The following CHSY3 variants were observed in gnomAD, a reference collection of about 807,000 sequenced individuals.
CHSY3 encodes chondroitin sulfate synthase 3.
In CHSY3, 35 loss-of-function variants were observed where a neutral mutation model predicts 67.2. The ratio of observed to expected loss-of-function variants is 0.52; its 90% confidence interval spans 0.40 to 0.69. The LOEUF (loss-of-function observed/expected upper bound fraction) is 0.69, where lower values mean the gene tolerates loss of function less well. Among genes scored for constraint, CHSY3 ranks in the 30% least tolerant of loss-of-function variants. CHSY3 has a pLI of 0.00. For synonymous variants in CHSY3, 474 were observed against 434.7 expected (o/e 1.09, Z -1.12); for missense variants, 1,069 against 1,138.5 (o/e 0.94, Z 0.88).
intron 2 of CHSY3, among the ~76,000 whole-genome samples, chr5:130,043,084 G>C (rs891129202): frequency 2.6e-5 from 4 of 151,982 alleles, no homozygotes; most frequent in Admixed American, 2.6e-4. Context: ...TGATATAAAT[G>C]TTAAACTCCA....
intron 2 of CHSY3, among the ~76,000 whole-genome samples, chr5:130,013,672 G>A (rs1181078614): frequency 6.6e-6 from 1 of 152,182 alleles, no homozygotes; most frequent in East Asian, 1.9e-4. Context: ...TCCTGAGGCT[G>A]CAAAGAGCAG....
intron 2 of CHSY3, among the ~76,000 whole-genome samples, chr5:130,035,734 A>G (rs938162106): frequency 6.6e-6 from 1 of 152,122 alleles, no homozygotes; most frequent in Non-Finnish European, 1.5e-5. Flanking sequence ...CTTCTAAGCT[A>G]ATTTCTTTCC....
intron 2 of CHSY3, among the ~76,000 whole-genome samples, chr5:130,077,114 T>C (rs1252023077): frequency 6.7e-6 from 1 of 150,248 alleles, no homozygotes; most frequent in African/African-American, 2.5e-5. Context: ...AAAATAAAAT[T>C]TAAGAAAAAA....
At chr5:129,998,280 G>T (rs1580631517) in intron 2 of CHSY3, among the ~76,000 whole-genome samples, 1 of 152,054 alleles carries the variant, frequency 6.6e-6, no homozygotes, top group Non-Finnish European at 1.5e-5. Flanking sequence ...TTAAAAGTAG[G>T]TATCTTTAAG....
At chr5:130,068,106 A>G (rs962457719) in intron 2 of CHSY3, among the ~76,000 whole-genome samples, 7 of 152,150 alleles carry the variant, frequency 4.6e-5, no homozygotes, top group Non-Finnish European at 1.0e-4. Context: ...GGCCTGTTTC[A>G]ATATTGAATT....
intron 2 of CHSY3, among the ~76,000 whole-genome samples, chr5:130,179,729 ATT>A (rs34591686): frequency 2.7e-5 from 4 of 150,004 alleles, no homozygotes; most frequent in Middle Eastern, 3.4e-3. Context: ...TTTTCATCTA[ATT>A]TTTTTTTTTT....
At chr5:129,924,627 A>T (rs1379579516) in intron 2 of CHSY3, among the ~76,000 whole-genome samples, 2 of 147,436 alleles carry the variant, frequency 1.4e-5, no homozygotes. Flanking sequence ...TCCTGGTGAC[A>T]GAGTGAGACT....
At chr5:130,135,334 A>G (rs1768628023) in intron 2 of CHSY3, among the ~76,000 whole-genome samples, 1 of 151,846 alleles carries the variant, frequency 6.6e-6, no homozygotes, top group East Asian at 1.9e-4. Context: ...ACTCAATCAC[A>G]TCTCTTTAAA....
chr5:130,167,306 G>T (rs1004506035), intron 2 of CHSY3, among the ~76,000 whole-genome samples: 1 of 151,992 alleles, frequency 6.6e-6, no homozygotes, highest in Non-Finnish European at 1.5e-5. Context: ...TCAAAGTTAG[G>T]CTTCTACCCT....
intron 2 of CHSY3, among the ~76,000 whole-genome samples, chr5:130,173,653 T>C (rs1769961356): frequency 6.6e-6 from 1 of 152,160 alleles, no homozygotes; most frequent in Non-Finnish European, 1.5e-5. Context: ...ATGAAAAATA[T>C]GCATACAGGA....
chr5:130,161,703 C>T lies in CHSY3; in HGVS notation c.1087-22526C>T, dbSNP rs571772978. ...ATAAAGAATGTTTATTCTATCTTATCACTACTTTAATGTTTGACTTCTTCA... is the reference window on the plus strand; with the variant it reads ...ATAAAGAATGTTTATTCTATCTTATTACTACTTTAATGTTTGACTTCTTCA... On this transcript the variant is annotated intron_variant, in intron 2 of 2. Transcript: ENST00000305031. Among the ~76,000 whole-genome samples, 3 of 152,180 alleles carry T rather than the reference C, an allele frequency of 2.0e-5. No homozygotes were observed. In the East Asian group the frequency reaches 5.8e-4, roughly 29 times the overall value.
At chr5:130,024,137 CAAA>C (rs5871376) in intron 2 of CHSY3, among the ~76,000 whole-genome samples, 1 of 110,012 alleles carries the variant, frequency 9.1e-6, no homozygotes. Flanking sequence ...GATTGATGGT[CAAA>C]AAAAAAAAAA....
Position 129,905,480 on chromosome 5 carries a change from C to T in CHSY3, c.651C>T (p.Pro217=). Residue 217 remains proline (P), a synonymous_variant, in exon 1 of 3, where the codon CCC becomes CCT. Transcript: ENST00000305031. The part of the protein sequence containing the change: ...SSQQPPNAGQ[P]PPPLPVIALP... ...AGCAGCCCCCCAACGCCGGCCAGCC[C>T]CCGCCACCCCTGCCTGTCATCGCGC... The T allele has an allele frequency of 1.2e-6, 2 of 1,613,040 alleles. No homozygotes were observed. The highest frequency in any genetic ancestry group is 1.7e-6 in the Non-Finnish European group (2 of 1,180,012).
intron 2 of CHSY3, among the ~76,000 whole-genome samples, chr5:130,145,296 A>C (rs1212543013): frequency 6.6e-6 from 1 of 152,172 alleles, no homozygotes; most frequent in Non-Finnish European, 1.5e-5. Context: ...TAGTTCACAC[A>C]GCTATGTCTA....
intron 2 of CHSY3, among the ~76,000 whole-genome samples, chr5:130,156,878 T>G (rs1769387847): frequency 2.6e-5 from 4 of 152,220 alleles, no homozygotes; most frequent in Admixed American, 2.6e-4. Context: ...GAATATCTAT[T>G]CTGTGTGAAG....
chr5:130,121,878 C>T lies in CHSY3; in HGVS notation c.1087-62351C>T, dbSNP rs1410796761. 2.0e-5 allele frequency among the ~76,000 whole-genome samples: 3 copies of T among 152,102 alleles called. No individual in the cohort carries two copies. The East Asian group carries it at 5.8e-4, about 29-fold the overall frequency. On this transcript the variant is annotated intron_variant, in intron 2 of 2. Coordinates refer to ENST00000305031, the MANE Select transcript of CHSY3 (RefSeq NM_175856.5). ...TGGGCATAATAGAACATGTAATGGG[C>T]TGACCACCAGAGACTGGCCCTCCTG...
intron 2 of CHSY3, among the ~76,000 whole-genome samples, chr5:130,086,574 G>A (rs1487723443): frequency 6.6e-6 from 1 of 151,970 alleles, no homozygotes; most frequent in African/African-American, 2.4e-5. Flanking sequence ...TACCATCAGA[G>A]AATACTACAA....
chr5:130,034,679 TG>T (rs1286626181), intron 2 of CHSY3, among the ~76,000 whole-genome samples: 1 of 152,058 alleles, frequency 6.6e-6, no homozygotes, highest in Non-Finnish European at 1.5e-5. Flanking sequence ...ACATACCTCA[TG>T]GTGATATGTG....
In CHSY3 at chr5:130,004,481, A is replaced by G. The variant is rs548825416; in HGVS notation, c.1086+96121A>G. 3.4e-4 allele frequency among the ~76,000 whole-genome samples: 52 copies of G among 152,286 alleles called. 1 individual carries two copies. In the South Asian group the frequency reaches 6.4e-3, roughly 19 times the overall value. On this transcript the variant is annotated intron_variant, in intron 2 of 2. Coordinates refer to ENST00000305031, the MANE Select transcript of CHSY3 (RefSeq NM_175856.5). Reference sequence around the variant, plus strand: ...TCATGACTTAAAGTAAAAAGTATGTAAATGCATAGAAGCAATAGTTACCCA... The same window carrying G: ...TCATGACTTAAAGTAAAAAGTATGTGAATGCATAGAAGCAATAGTTACCCA...
Sources: allele counts gnomAD v4.1 joint callset (sites outside exome capture counted in the v4.1 genomes callset), GRCh38; gene constraint gnomAD v4.1.1; transcripts MANE v1.5; gene names NCBI Gene and HGNC (gene_info 2026-07-23, HGNC 2026-07-21).